The following DGUOK variants were observed in gnomAD, a reference collection of about 807,000 sequenced individuals.
The protein encoded by DGUOK is deoxyguanosine kinase, also known as deoxyguanosine kinase, mitochondrial.
A neutral mutation model predicts 36.6 loss-of-function variants in DGUOK; 30 were observed. That is an observed-to-expected ratio of 0.82 (90% CI 0.61 to 1.11). The LOEUF (loss-of-function observed/expected upper bound fraction) is 1.11. Ranked by LOEUF, DGUOK falls within the 50% of genes most tolerant of loss-of-function variation. The probability of loss-of-function intolerance (pLI) is 0.00; values close to 1 mark genes in which losing one functional copy is unlikely to be tolerated. For synonymous variants in DGUOK, 145 were observed against 126.3 expected (o/e 1.15, Z -0.99); for missense variants, 361 against 336.4 (o/e 1.07, Z -0.57).
chr2:73,930,023 C>G (rs576640706), intron 1 of DGUOK, among the ~76,000 whole-genome samples: 1 of 152,252 alleles, frequency 6.6e-6, no homozygotes, highest in East Asian at 1.9e-4. Context: ...GATAGAATTG[C>G]TGGAGTGATT....
Position 73,932,513 on chromosome 2 carries a change from A to G in DGUOK, c.142+5461A>G. The G allele has an allele frequency of 4.1e-6, 3 of 728,110 alleles. No individual in the cohort carries two copies. The South Asian group carries it at 4.6e-5, about 11-fold the overall frequency. The allele number at this position is 728,110 out of a possible 1,614,324, so 45.1% of individuals were successfully genotyped here. A position where few individuals can be genotyped will look rare whatever the true frequency, so the allele number is the denominator to read the frequency against. ...TCTTGAATCCTGTGCTATGATATCC[A>G]TGTGGAAGTTAGGCATTGGTACCCA... On this transcript the variant is annotated intron_variant, in intron 1 of 6. Coordinates refer to ENST00000264093, the MANE Select transcript of DGUOK (RefSeq NM_080916.3).
chr2:73,927,909 T>G (rs1206576551), intron 1 of DGUOK, among the ~76,000 whole-genome samples: 2 of 152,226 alleles, frequency 1.3e-5, no homozygotes, highest in Non-Finnish European at 1.5e-5. Context: ...CTTTTTTTAT[T>G]CATTCAACAA....
rs748843302 is a variant in DGUOK at position 73,932,362 on chromosome 2, G to A, written c.142+5310G>A. Among the ~76,000 whole-genome samples, 10 of 152,270 alleles carry A rather than the reference G, an allele frequency of 6.6e-5. 1 individual carries two copies. The highest frequency in any genetic ancestry group is 2.4e-4 in the African/African-American group (10 of 41,552). Reference sequence around the variant, plus strand: ...TACCCACAACTGCTGCAGCACTTGAGTTCTGCTGAGCTTGTTTGCACATTC... The same window carrying A: ...TACCCACAACTGCTGCAGCACTTGAATTCTGCTGAGCTTGTTTGCACATTC... On this transcript the variant is annotated intron_variant, in intron 1 of 6. Transcript: ENST00000264093.
intron 1 of DGUOK, among the ~76,000 whole-genome samples, chr2:73,937,036 A>G (rs1241664115): frequency 6.6e-6 from 1 of 152,222 alleles, no homozygotes; most frequent in Non-Finnish European, 1.5e-5. Flanking sequence ...GCAAGAGAAC[A>G]TGGCATGATT....
At chr2:73,950,454 G>C (rs1682624094) in intron 3 of DGUOK, 131 bp from the exon 4 acceptor site, 4 of 942,430 alleles carry the variant, frequency 4.2e-6, no homozygotes, top group Admixed American at 3.6e-5. Flanking sequence ...TGAGGAGCTA[G>C]AAAGGTTAAG....
At chr2:73,952,995 G>A (rs1682806815) in intron 4 of DGUOK, among the ~76,000 whole-genome samples, 1 of 152,088 alleles carries the variant, frequency 6.6e-6, no homozygotes, top group Non-Finnish European at 1.5e-5. Flanking sequence ...ATATGATGAG[G>A]TGGAAGGGAG....
chr2:73,955,999 T>C (rs1000149821), intron 4 of DGUOK, among the ~76,000 whole-genome samples: 6 of 152,174 alleles, frequency 3.9e-5, no homozygotes, highest in Non-Finnish European at 7.3e-5. Flanking sequence ...AAAACAAACA[T>C]TTGGAGCAAA....
intron 1 of DGUOK, among the ~76,000 whole-genome samples, chr2:73,934,798 C>T (rs546101533): frequency 6.8e-6 from 1 of 147,488 alleles, no homozygotes; most frequent in Non-Finnish European, 1.5e-5. Flanking sequence ...AGTGGCCCGG[C>T]GCAGTGGCTC....
intron 1 of DGUOK, 23 bp from the exon 2 acceptor site, chr2:73,938,887 A>C (rs935370232): frequency 6.5e-7 from 1 of 1,532,610 alleles, no homozygotes; most frequent in Non-Finnish European, 9.0e-7. Context: ...GAAGCATCCC[A>C]ATACATGCTA....
rs1176518098 is a variant in DGUOK, at chr2:73,938,944, G to A, written c.177G>A (p.Thr59=). Residue 59 remains threonine (T), a synonymous_variant, in exon 2 of 7, where the codon ACG becomes ACA. Coordinates refer to ENST00000264093, the MANE Select transcript of DGUOK (RefSeq NM_080916.3). ...VGKSTFVKLL[T]KTYPEWHVAT... Reference sequence around the variant, plus strand: ...AGTCCACGTTTGTGAAGTTACTCACGAAAACTTACCCAGAATGGCACGTAG... The same window carrying A: ...AGTCCACGTTTGTGAAGTTACTCACAAAAACTTACCCAGAATGGCACGTAG... 8.7e-6 allele frequency: 14 copies of A among 1,613,886 alleles called. No individual in the cohort carries two copies. In the East Asian group the frequency reaches 2.2e-4, roughly 26 times the overall value.
chr2:73,928,714 A>G (rs1680791701), intron 1 of DGUOK, among the ~76,000 whole-genome samples: 2 of 152,214 alleles, frequency 1.3e-5, no homozygotes, highest in African/African-American at 2.4e-5. Context: ...TCTTACCGAG[A>G]TGGGTAGCCA....
chr2:73,955,656 C>T (rs1201892362), intron 4 of DGUOK, among the ~76,000 whole-genome samples: 1 of 152,138 alleles, frequency 6.6e-6, no homozygotes, highest in Non-Finnish European at 1.5e-5. Context: ...GGGCAGATCA[C>T]GATGCCAAGA....
At chr2:73,958,342 G>A (rs1683286436) in intron 6 of DGUOK, 97 bp downstream of exon 6, 1 of 914,916 alleles carries the variant, frequency 1.1e-6, no homozygotes, top group South Asian at 1.4e-5. Context: ...TGGGTCTTGT[G>A]CTTTGCATCT....
chr2:73,938,897 A>C lies in DGUOK; in HGVS notation c.143-13A>C. 1 of 1,583,328 alleles carries C rather than the reference A, an allele frequency of 6.3e-7. No homozygotes were observed. The highest frequency in any genetic ancestry group is 8.7e-7 in the Non-Finnish European group (1 of 1,152,050). ...TTTGGGAAGCATCCCAATACATGCT[A>C]TTTGCATTGCAGCTGTGGGAAAGTC... On this transcript the variant is annotated splice_polypyrimidine_tract_variant and intron_variant, in intron 1 of 6. Transcript: ENST00000264093.
In DGUOK at chr2:73,957,110, G is replaced by A. The variant is rs755337079; in HGVS notation, c.592-15G>A. The A allele has an allele frequency of 7.5e-5, 120 of 1,598,896 alleles. No homozygotes were observed. The highest frequency in any genetic ancestry group is 1.0e-4 in the Non-Finnish European group (120 of 1,166,498). ...ACAGCAAAGAGCTCATCAGGGCTTGGGGACTGTCTTTTAGGTTTGTTTGAA... is the reference window on the plus strand; with the variant it reads ...ACAGCAAAGAGCTCATCAGGGCTTGAGGACTGTCTTTTAGGTTTGTTTGAA... On this transcript the variant is annotated splice_polypyrimidine_tract_variant and intron_variant, in intron 4 of 6. Coordinates refer to ENST00000264093, the MANE Select transcript of DGUOK (RefSeq NM_080916.3).
chr2:73,944,179 C>T (rs1376374647), intron 2 of DGUOK, among the ~76,000 whole-genome samples: 1 of 152,114 alleles, frequency 6.6e-6, no homozygotes, highest in East Asian at 1.9e-4. Context: ...CCACTATGCC[C>T]AGGTAACTTT....
Position 73,946,712 on chromosome 2 carries a change from C to G in DGUOK, c.256-7C>G, listed in dbSNP as rs199531052. The stretch of plus-strand genomic sequence containing the variant: ...GAAATTTTCTTCTTTTTTTCATCTC[C>G]CTCTAGGCCTGCACTGCCCAAAGTC... On this transcript the variant is annotated splice_region_variant and splice_polypyrimidine_tract_variant and intron_variant, in intron 2 of 6. Transcript: ENST00000264093. 1 of 1,613,942 alleles carries G rather than the reference C, an allele frequency of 6.2e-7. No homozygotes were observed. Among genetic ancestry groups the G allele is most frequent in the African/African-American group, 1.3e-5 (1 of 75,004 alleles).
At position 73,927,029 on chromosome 2, in the gene DGUOK, G is replaced by C; in HGVS notation, c.119G>C (p.Arg40Thr). 1 of 1,610,266 alleles carries C rather than the reference G, an allele frequency of 6.2e-7. No individual in the cohort carries two copies. The highest frequency in any genetic ancestry group is 8.5e-7 in the Non-Finnish European group (1 of 1,180,020). ...RGLHAGRGPR[R>T]LSIEGNIAVG... Reference sequence around the variant, plus strand: ...CTGCACGCGGGGCGCGGGCCCCGAAGGCTCTCCATCGAAGGCAACATTGGT... The same window carrying C: ...CTGCACGCGGGGCGCGGGCCCCGAACGCTCTCCATCGAAGGCAACATTGGT... The change falls in exon 1 of 7, where the codon AGG (arginine) becomes ACG (threonine). Residue 40 changes from arginine (R) to threonine (T), a missense_variant. Physicochemically the swap from Arg to Thr is moderately conservative, Grantham distance 71. Coordinates refer to ENST00000264093, the MANE Select transcript of DGUOK (RefSeq NM_080916.3).
intron 1 of DGUOK, among the ~76,000 whole-genome samples, chr2:73,928,253 G>A (rs1270378142): frequency 4.6e-5 from 7 of 152,050 alleles, no homozygotes; most frequent in African/African-American, 1.7e-4. Flanking sequence ...TCAGCCTCCC[G>A]AATAGCTGGG....
Sources: allele counts gnomAD v4.1 joint callset (sites outside exome capture counted in the v4.1 genomes callset), GRCh38; gene constraint gnomAD v4.1.1; transcripts MANE v1.5; gene names NCBI Gene and HGNC (gene_info 2026-07-23, HGNC 2026-07-21).